Variants in MYT1L observed in about 807,000 individuals in gnomAD.
MYT1L encodes myelin transcription factor 1 like, also known as myelin transcription factor 1-like protein.
A neutral mutation model predicts 126.7 loss-of-function variants in MYT1L; 12 were observed. That is an observed-to-expected ratio of 0.09 (90% CI 0.06 to 0.15). The LOEUF (loss-of-function observed/expected upper bound fraction) is 0.15. Ranked by LOEUF, MYT1L falls within the 10% of genes least tolerant of loss-of-function variation. MYT1L has a pLI of 1.00. For synonymous variants in MYT1L, 541 were observed against 604.2 expected (o/e 0.90, Z 1.53); for missense variants, 979 against 1,585.2 (o/e 0.62, Z 6.49).
In MYT1L at chr2:1,801,554, A is replaced by G. The variant is rs1558596162; in HGVS notation, c.3276+142T>C. The G allele has an allele frequency of 1.6e-6, 1 of 619,890 alleles. No individual in the cohort carries two copies. 38.4% of individuals were successfully genotyped at this position (619,890 alleles called of 1,614,324 possible). A position where few individuals can be genotyped will look rare whatever the true frequency, so the allele number is the denominator to read the frequency against. On this transcript the variant is annotated intron_variant, in intron 23 of 24. Coordinates refer to ENST00000647738, the MANE Select transcript of MYT1L (RefSeq NM_001303052.2). This position sits in a 1 kb window ranked among gnomAD's most constrained non-coding sequence, Gnocchi z 4.2. The stretch of plus-strand genomic sequence containing the variant: ...ACGGAATGGTGTCTGCGGAAGACCA[A>G]TATCATAAGGTGGAAAAATAAAGGA...
At chr2:1,834,956 A>G (rs1558696468) in intron 21 of MYT1L, among the ~76,000 whole-genome samples, 1 of 118,434 alleles carries the variant, frequency 8.4e-6, no homozygotes, top group Non-Finnish European at 1.6e-5. Context: ...TAACACGGGG[A>G]TGGATACAGG....
At chr2:1,800,401 G>A (rs1184295224) in intron 23 of MYT1L, 1 of 152,268 alleles carries the variant, frequency 6.6e-6, no homozygotes, top group Non-Finnish European at 1.5e-5. Context: ...GGGCTACCAG[G>A]TCTGTGAGAT....
chr2:2,044,402 A>G (rs1249490333), intron 4 of MYT1L, among the ~76,000 whole-genome samples: 1 of 152,204 alleles, frequency 6.6e-6, no homozygotes, highest in Admixed American at 6.5e-5. Context: ...GTGTGCCCAT[A>G]GAGTATCAAA....
chr2:2,027,319 C>T (rs372150239), intron 4 of MYT1L, among the ~76,000 whole-genome samples: 19 of 152,280 alleles, frequency 1.2e-4, no homozygotes, highest in Admixed American at 2.6e-4. Context: ...CGTGGAGCAC[C>T]CTACTCTGTG....
rs58549168 is a variant in MYT1L at position 2,109,875 on chromosome 2, TTATATATATATATATATATATATATA to T, written c.-303-55778_-303-55753del. Among the ~76,000 whole-genome samples the T allele has an allele frequency of 9.5e-3, 606 of 63,892 alleles. 8 individuals carry two copies. The highest frequency in any genetic ancestry group is 0.015 in the Middle Eastern group (1 of 66). The allele number at this position is 63,892 out of a possible 152,430, so 41.9% of individuals were successfully genotyped here. A position where few individuals can be genotyped will look rare whatever the true frequency, so the allele number is the denominator to read the frequency against. ...AGGAAGATTCACAAAAGTGCTGATTTTATATATATATATATATATATATATATATATATATATATATATATATATCC... is the reference window on the plus strand; with the variant it reads ...AGGAAGATTCACAAAAGTGCTGATTTTATATATATATATATATATATATCC... On this transcript the variant is annotated intron_variant, in intron 3 of 24. Coordinates refer to ENST00000647738, the MANE Select transcript of MYT1L (RefSeq NM_001303052.2).
At chr2:2,307,463 T>G (rs903048522) in intron 1 of MYT1L, among the ~76,000 whole-genome samples, 1 of 152,218 alleles carries the variant, frequency 6.6e-6, no homozygotes, top group South Asian at 2.1e-4. Context: ...ATTTTAGAGA[T>G]AGAATTGGCA....
At position 1,922,696 on chromosome 2, in the gene MYT1L, C is replaced by T. The variant is rs202149605; in HGVS notation, c.1073G>A (p.Arg358His). Reference protein sequence around the residue: ...ERNPQQNMNIRQHVRPEEDFP... With the variant: ...ERNPQQNMNIHQHVRPEEDFP... ...GTCCTCTTCTGGCCGGACATGCTGA[C>T]GGATGTTCATGTTCTGCTGCGGATT... The change falls in exon 10 of 25, where the codon CGT becomes CAT. Residue 358 changes from arginine (R) to histidine (H), a missense_variant. Physicochemically the swap from Arg to His is conservative, Grantham distance 29. Transcript: ENST00000647738. This position sits in a 1 kb window ranked among gnomAD's most constrained non-coding sequence, Gnocchi z 7.4. 3.9e-5 allele frequency: 63 copies of T among 1,613,698 alleles called. No individual in the cohort carries two copies. Among genetic ancestry groups the T allele is most frequent in the Non-Finnish European group, 4.1e-5 (48 of 1,179,848 alleles).
chr2:1,998,788 C>T (rs1337230992), intron 4 of MYT1L, among the ~76,000 whole-genome samples: 1 of 152,116 alleles, frequency 6.6e-6, no homozygotes, highest in Non-Finnish European at 1.5e-5. Flanking sequence ...AACTATCTTA[C>T]AGAATCCTCT....
intron 2 of MYT1L, among the ~76,000 whole-genome samples, chr2:2,194,114 C>A (rs971282777): frequency 6.6e-6 from 1 of 152,044 alleles, no homozygotes; most frequent in East Asian, 1.9e-4. Flanking sequence ...GGTTCTCACT[C>A]TGTCCCCCAG....
intron 2 of MYT1L, among the ~76,000 whole-genome samples, chr2:2,280,720 A>G (rs1160886484): frequency 6.6e-6 from 1 of 152,134 alleles, no homozygotes; most frequent in Non-Finnish European, 1.5e-5. Context: ...GCAGGGTCAG[A>G]CCCCATCAGG....
At chr2:1,960,343 G>C (rs1407969411) in intron 8 of MYT1L, among the ~76,000 whole-genome samples, 1 of 152,184 alleles carries the variant, frequency 6.6e-6, no homozygotes, top group Non-Finnish European at 1.5e-5. Flanking sequence ...AAAATACCAA[G>C]GACAGGGCGG....
At chr2:1,871,444 C>T (rs57188771) in intron 18 of MYT1L, among the ~76,000 whole-genome samples, 455 of 152,362 alleles carry the variant, frequency 3.0e-3, no homozygotes, top group African/African-American at 0.01. Flanking sequence ...AGCCGCAGTC[C>T]TCTGCAGAGA....
At chr2:2,205,344 T>C (rs968758982) in intron 2 of MYT1L, among the ~76,000 whole-genome samples, 3 of 152,170 alleles carry the variant, frequency 2.0e-5, no homozygotes, top group Non-Finnish European at 4.4e-5. Flanking sequence ...TTTTAAATGG[T>C]CCTTTATTCA....
In MYT1L at chr2:1,887,947, G is replaced by A. The variant is rs372715573; in HGVS notation, c.2521-338C>T. 1.3e-5 allele frequency among the ~76,000 whole-genome samples: 2 copies of A among 152,122 alleles called. No homozygotes were observed. Among genetic ancestry groups the A allele is most frequent in the South Asian group, 2.1e-4 (1 of 4,816 alleles). On this transcript the variant is annotated intron_variant, in intron 16 of 24. Coordinates refer to ENST00000647738, the MANE Select transcript of MYT1L (RefSeq NM_001303052.2). This position sits in a 1 kb window ranked among gnomAD's most constrained non-coding sequence, Gnocchi z 4.8. ...ATCCAGCATTCAGCACACACCTGTG[G>A]GTGGCTGCTTTATCCAACACTTGCC...
chr2:2,180,686 GTATGTACCTGTA>G (rs938818392), intron 2 of MYT1L, among the ~76,000 whole-genome samples: 2 of 149,794 alleles, frequency 1.3e-5, no homozygotes, highest in Admixed American at 6.6e-5. Flanking sequence ...GTGTGTTTTT[GTATGTACCTGTA>G]TGTGCACCTG....
At position 2,166,142 on chromosome 2, in the gene MYT1L, CCTT is replaced by C. The variant is rs1394948386; in HGVS notation, c.-304+6727_-304+6729del. Among the ~76,000 whole-genome samples, 2 of 152,164 alleles carry C rather than the reference CCTT, an allele frequency of 1.3e-5. 1 individual carries two copies. Among genetic ancestry groups the C allele is most frequent in the Non-Finnish European group, 2.9e-5 (2 of 68,032 alleles). On this transcript the variant is annotated intron_variant, in intron 3 of 24. Transcript: ENST00000647738. Reference sequence around the variant, plus strand: ...CTTATATTTATTTCCTTCCTCGTCTCCTTATTTCCTTTCTTAATTATCTAGCCT... The same window carrying C: ...CTTATATTTATTTCCTTCCTCGTCTCATTTCCTTTCTTAATTATCTAGCCT...
intron 5 of MYT1L, among the ~76,000 whole-genome samples, chr2:1,984,815 T>C (rs1295182529): frequency 6.6e-6 from 1 of 152,164 alleles, no homozygotes; most frequent in African/African-American, 2.4e-5. Flanking sequence ...GGCCAAGAAC[T>C]AATATTTTAA....
Position 1,881,355 on chromosome 2 carries a change from C to CGTGTGTGT in MYT1L, c.2711+5176_2711+5183dup, listed in dbSNP as rs59171974. Among the ~76,000 whole-genome samples, 676 of 139,216 alleles carry CGTGTGTGT rather than the reference C, an allele frequency of 4.9e-3. 5 individuals carry two copies. The highest frequency in any genetic ancestry group is 8.9e-3 in the African/African-American group (337 of 37,982). 91.3% of individuals were successfully genotyped at this position (139,216 alleles called of 152,430 possible). ...GTGGTTTATTGTTGGTTTGCAGGTT[C>CGTGTGTGT]GTGTGTGTGTGTGTGTGTGTGTGTG... On this transcript the variant is annotated intron_variant, in intron 18 of 24. Coordinates refer to ENST00000647738, the MANE Select transcript of MYT1L (RefSeq NM_001303052.2).
At chr2:2,109,963 C>T (rs1175357283) in intron 3 of MYT1L, among the ~76,000 whole-genome samples, 13 of 135,876 alleles carry the variant, frequency 9.6e-5, no homozygotes, top group Non-Finnish European at 1.8e-4. Flanking sequence ...GATTCTAAAT[C>T]AATGCATGCT....
Sources: allele counts gnomAD v4.1 joint callset (sites outside exome capture counted in the v4.1 genomes callset), GRCh38; gene constraint gnomAD v4.1.1; non-coding constraint Gnocchi (gnomAD v3.1); transcripts MANE v1.5; gene names NCBI Gene and HGNC (gene_info 2026-07-23, HGNC 2026-07-21).